The following MX2 variants were observed in gnomAD, a reference collection of about 807,000 sequenced individuals.
The protein encoded by MX2 is MX dynamin like GTPase 2.
MX2 carries 51 observed loss-of-function variants against 74.0 expected under a neutral mutation model. That is an observed-to-expected ratio of 0.69 (90% CI 0.55 to 0.87). The LOEUF is 0.87. MX2 is among the 40% of genes least tolerant of loss of function. The pLI, the probability that MX2 is intolerant of heterozygous loss-of-function variation, is 0.00. For synonymous variants in MX2, 369 were observed against 339.3 expected (o/e 1.09, Z -0.96); for missense variants, 832 against 908.7 (o/e 0.92, Z 1.09).
At chr21:41,395,908 A>C in intron 7 of MX2, 123 bp downstream of exon 7, 4 of 916,278 alleles carry the variant, frequency 4.4e-6, no homozygotes, top group Non-Finnish European at 6.5e-6. Flanking sequence ...ACCTAGCCTC[A>C]CCTGATTTTT....
chr21:41,406,689 A>C (rs1311163929), intron 12 of MX2, 55 bp from the exon 13 acceptor site: 1 of 1,560,646 alleles, frequency 6.4e-7, no homozygotes, highest in Non-Finnish European at 8.7e-7. Context: ...AATTTGTTTA[A>C]GCCAACAGGA....
chr21:41,401,129 A>G (rs1568948972), intron 10 of MX2: 2 of 152,200 alleles, frequency 1.3e-5, no homozygotes, highest in African/African-American at 4.8e-5. Context: ...ACACATGGGG[A>G]TTACAATTTG....
chr21:41,385,824 C>T (rs887186225), intron 5 of MX2, among the ~76,000 whole-genome samples: 3 of 152,076 alleles, frequency 2.0e-5, no homozygotes, highest in African/African-American at 7.2e-5. Flanking sequence ...ATAATAAAAA[C>T]ATCCAAAATT....
rs368629744 is a variant in MX2 at position 41,369,531 on chromosome 21, C to G, written c.-71-7305C>G. 1.0e-3 allele frequency among the ~76,000 whole-genome samples: 152 copies of G among 152,238 alleles called. 6 individuals are homozygous for G. The South Asian group carries it at 0.031, about 31-fold the overall frequency. On this transcript the variant is annotated intron_variant, in intron 1 of 13. Transcript: ENST00000330714. ...GGGGCACGGGGCAGGTTTTTGAGCC[C>G]GGCAGTGTAAGCAGTCTCTGTCCCA...
intron 5 of MX2, among the ~76,000 whole-genome samples, chr21:41,383,512 C>A (rs541043107): frequency 6.6e-6 from 1 of 152,240 alleles, no homozygotes; most frequent in African/African-American, 2.4e-5. Context: ...CAAGCCAGCT[C>A]ATGTGGAAAT....
chr21:41,406,837 G>T lies in MX2; in HGVS notation c.1744G>T (p.Asp582Tyr). Residue 582 changes from aspartate (D) to tyrosine (Y), a missense_variant, in exon 13 of 14, where the codon GAT (aspartate) becomes TAT (tyrosine). Asp to Tyr is a radical substitution (Grantham distance 160). Transcript: ENST00000330714. ...FRMEQMVFCQ[D>Y]QIYSVVLKKV... Reference sequence around the variant, plus strand: ...AATGGAGCAGATGGTTTTTTGTCAAGATCAGATTTACAGTGTTGTTCTGAA... The same window carrying T: ...AATGGAGCAGATGGTTTTTTGTCAATATCAGATTTACAGTGTTGTTCTGAA... 1.2e-6 allele frequency: 2 copies of T among 1,614,234 alleles called. No individual in the cohort carries two copies. Among genetic ancestry groups the T allele is most frequent in the Non-Finnish European group, 1.7e-6 (2 of 1,180,040 alleles).
At chr21:41,397,828 T>C in intron 8 of MX2, 137 bp downstream of exon 8, 1 of 641,246 alleles carries the variant, frequency 1.6e-6, no homozygotes, top group Admixed American at 2.9e-5. Context: ...TCTCACTCAC[T>C]GTCACAGGCT....
intron 6 of MX2, among the ~76,000 whole-genome samples, chr21:41,394,959 AAAGG>A (rs2089714733): frequency 1.3e-5 from 2 of 150,992 alleles, no homozygotes; most frequent in Non-Finnish European, 2.9e-5. Context: ...AGAGAGAGAG[AAAGG>A]AAGGAAGGAA....
rs1200333439 is a variant in MX2, at chr21:41,399,297, T to C, written c.1374T>C (p.Phe458=). 6.2e-7 allele frequency: 1 copy of C among 1,613,994 alleles called. No homozygotes were observed. Among genetic ancestry groups the C allele is most frequent in the Non-Finnish European group, 8.5e-7 (1 of 1,180,020 alleles). ...TATACAACAAAATCAGAGAGGATTT[T>C]AAAAACTGGGTAGGCATACTTGCAA... ...TRLYNKIRED[F]KNWVGILATN... Residue 458 remains phenylalanine, a synonymous_variant, in exon 10 of 14, where the codon TTT becomes TTC. Coordinates refer to ENST00000330714, the MANE Select transcript of MX2 (RefSeq NM_002463.2).
Position 41,399,333 on chromosome 21 carries a change from A to G in MX2, c.1410A>G (p.Gln470=). Residue 470 remains glutamine, a synonymous_variant, in exon 10 of 14, where the codon CAA becomes CAG. Coordinates refer to ENST00000330714, the MANE Select transcript of MX2 (RefSeq NM_002463.2). ...TAGGCATACTTGCAACTAATACCCAAAAAGGTAAGTTCTGGGCAGGGCTCC... is the reference window on the plus strand; with the variant it reads ...TAGGCATACTTGCAACTAATACCCAGAAAGGTAAGTTCTGGGCAGGGCTCC... ...NWVGILATNT[Q]KVKNIIHEEV... is the part of the protein sequence containing the mutation. The G allele has an allele frequency of 1.2e-6, 2 of 1,613,812 alleles. No individual in the cohort carries two copies. Among genetic ancestry groups the G allele is most frequent in the South Asian group, 1.1e-5 (1 of 91,074 alleles).
intron 12 of MX2, chr21:41,403,566 T>C (rs753896762): frequency 1.4e-6 from 1 of 738,142 alleles, no homozygotes; most frequent in Admixed American, 1.7e-5. Flanking sequence ...AGAAATGAAA[T>C]GCGGCCCGTG....
chr21:41,369,883 G>C (rs111530667), intron 1 of MX2, among the ~76,000 whole-genome samples: 2,719 of 151,736 alleles, frequency 0.018, 71 homozygotes, highest in East Asian at 0.067. Flanking sequence ...GCAAGCAGGG[G>C]ACAGTCCCAT....
At chr21:41,393,110 C>CAAAAAAAAAAAA (rs373955778) in intron 6 of MX2, among the ~76,000 whole-genome samples, 102 of 60,056 alleles carry the variant, frequency 1.7e-3, no homozygotes, top group African/African-American at 3.8e-3. Flanking sequence ...CTCAAAAAAG[C>CAAAAAAAAAAAA]AAAAAAAAAA....
intron 6 of MX2, among the ~76,000 whole-genome samples, chr21:41,394,341 A>G (rs2145937187): frequency 6.6e-6 from 1 of 151,682 alleles, no homozygotes; most frequent in South Asian, 2.1e-4. Context: ...CTCCCTCTCA[A>G]CCAGGGTCTG....
intron 5 of MX2, among the ~76,000 whole-genome samples, chr21:41,382,802 G>A (rs1300517867): frequency 6.6e-6 from 1 of 152,228 alleles, no homozygotes; most frequent in Admixed American, 6.5e-5. Flanking sequence ...TGTACGCCCT[G>A]CCCAGTCATT....
At chr21:41,405,800 G>A (rs2089878495) in intron 12 of MX2, among the ~76,000 whole-genome samples, 1 of 150,628 alleles carries the variant, frequency 6.6e-6, no homozygotes, top group African/African-American at 2.4e-5. Flanking sequence ...TGCCTCCTAG[G>A]TTCAAGTGAT....
At chr21:41,384,766 G>T (rs555544440) in intron 5 of MX2, among the ~76,000 whole-genome samples, 83 of 151,256 alleles carry the variant, frequency 5.5e-4, no homozygotes, top group Non-Finnish European at 8.2e-4. Context: ...TTGAACCTGG[G>T]AGGCAGAGGT....
intron 6 of MX2, among the ~76,000 whole-genome samples, chr21:41,393,888 C>T (rs1020915191): frequency 6.6e-5 from 10 of 152,306 alleles, no homozygotes; most frequent in South Asian, 2.1e-4. Flanking sequence ...AGAACCCATC[C>T]GCCCACCCAG....
chr21:41,407,119 C>T lies in MX2; in HGVS notation c.1905+121C>T, dbSNP rs1054066951. 9.0e-6 allele frequency: 9 copies of T among 994,708 alleles called. No homozygotes were observed. In the Admixed American group the frequency reaches 1.7e-4, roughly 19 times the overall value. The allele number at this position is 994,708 out of a possible 1,614,324, so 61.6% of individuals were successfully genotyped here. A position where few individuals can be genotyped will look rare whatever the true frequency, so the allele number is the denominator to read the frequency against. Reference sequence around the variant, plus strand: ...GGAGGGACCACTACAATGTATTAAGCCCTTCTGTATTATGATAAACTACTT... The same window carrying T: ...GGAGGGACCACTACAATGTATTAAGTCCTTCTGTATTATGATAAACTACTT... On this transcript the variant is annotated intron_variant, in intron 13 of 13. Transcript: ENST00000330714.
Sources: gnomAD v4.1 joint callset for allele counts (sites outside exome capture counted in the v4.1 genomes callset) on GRCh38, gnomAD v4.1.1 for gene constraint, MANE v1.5 for transcripts, NCBI Gene and HGNC (gene_info 2026-07-23, HGNC 2026-07-21) for gene names.